Variants in FBN1 observed in about 807,000 individuals in gnomAD.
FBN1 encodes the protein fibrillin 1.
FBN1 carries 29 observed loss-of-function variants against 365.1 expected under a neutral mutation model. The ratio of observed to expected loss-of-function variants is 0.08; its 90% CI spans 0.06 to 0.11. FBN1 has a LOEUF of 0.11. FBN1 is among the 10% of genes least tolerant of loss of function. The probability of loss-of-function intolerance (pLI) is 1.00; values close to 1 mark genes in which losing one functional copy is unlikely to be tolerated. For missense variants in FBN1, 2,476 were observed against 3,703.2 expected (o/e 0.67, Z 8.60); for synonymous variants, 1,210 against 1,270.5 (o/e 0.95, Z 1.01).
At chr15:48,595,610 T>C (rs903915915) in intron 6 of FBN1, among the ~76,000 whole-genome samples, 4 of 152,208 alleles carry the variant, frequency 2.6e-5, no homozygotes, top group Admixed American at 2.6e-4. Flanking sequence ...GCAGTAAACA[T>C]TAGACTTGAA....
chr15:48,422,098 G>T, intron 60 of FBN1, 30 bp from the exon 61 acceptor site: 1 of 1,488,190 alleles, frequency 6.7e-7, no homozygotes, highest in Non-Finnish European at 9.4e-7. Context: ...AGGCATTTGA[G>T]TCAAGCCAAC....
chr15:48,430,193 C>T (rs1388650309), intron 56 of FBN1, among the ~76,000 whole-genome samples: 1 of 152,204 alleles, frequency 6.6e-6, no homozygotes, highest in Admixed American at 6.5e-5. Flanking sequence ...CTATTAGAAT[C>T]AGCTGAGGAG....
At chr15:48,635,867 A>G (rs1890082464) in intron 2 of FBN1, among the ~76,000 whole-genome samples, 1 of 152,266 alleles carries the variant, frequency 6.6e-6, no homozygotes, top group Non-Finnish European at 1.5e-5. Context: ...CTAACAGAAC[A>G]TGCAAACACA....
chr15:48,600,324 G>A, intron 4 of FBN1, 90 bp from the exon 5 acceptor site: 1 of 915,820 alleles, frequency 1.1e-6, no homozygotes, highest in Non-Finnish European at 1.8e-6. Context: ...TATTTGAAGA[G>A]AAAATCAAAT....
At chr15:48,559,819 A>G (rs1255170893) in intron 6 of FBN1, among the ~76,000 whole-genome samples, 1 of 152,216 alleles carries the variant, frequency 6.6e-6, no homozygotes, top group Non-Finnish European at 1.5e-5. Context: ...AATATATTGA[A>G]GTGAAAGACG....
intron 6 of FBN1, among the ~76,000 whole-genome samples, chr15:48,583,911 T>A (rs781494154): frequency 6.6e-6 from 1 of 152,178 alleles, no homozygotes; most frequent in Non-Finnish European, 1.5e-5. Context: ...CCTTTCTATA[T>A]CCAGCTCAAG....
In FBN1 at chr15:48,588,876, A is replaced by G. The variant is rs535798493; in HGVS notation, c.538+7407T>C. Among the ~76,000 whole-genome samples the G allele has an allele frequency of 5.9e-5, 9 of 152,340 alleles. No individual in the cohort carries two copies. In the South Asian group the frequency reaches 1.5e-3, roughly 25 times the overall value. ...TCAGGGAGACTCCTCAGATTGCATG[A>G]TACCTATCCCCAGAAGTCTGGAGGA... On this transcript the variant is annotated intron_variant, in intron 6 of 65. Transcript: ENST00000316623.
chr15:48,537,494 G>T, intron 7 of FBN1, 117 bp downstream of exon 7: 3 of 1,287,976 alleles, frequency 2.3e-6, no homozygotes, highest in Non-Finnish European at 2.2e-6. Context: ...TGCAGTCAGC[G>T]AAATTGTGAA....
At chr15:48,635,210 T>G (rs1283903662) in intron 2 of FBN1, among the ~76,000 whole-genome samples, 1 of 152,168 alleles carries the variant, frequency 6.6e-6, no homozygotes, top group Non-Finnish European at 1.5e-5. Context: ...GGAATACATC[T>G]CCGGCTGGGA....
At chr15:48,513,736 GT>G (rs2043779798) in intron 12 of FBN1, 68 bp from the exon 13 acceptor site, 3 of 1,582,500 alleles carry the variant, frequency 1.9e-6, no homozygotes, top group Non-Finnish European at 2.6e-6. Flanking sequence ...GACTTTCTGG[GT>G]TCCTTTTATA....
chr15:48,604,597 A>G (rs1261613178), intron 4 of FBN1, among the ~76,000 whole-genome samples: 1 of 152,206 alleles, frequency 6.6e-6, no homozygotes, highest in Non-Finnish European at 1.5e-5. Flanking sequence ...GTAGAGAAGG[A>G]CAAGTTAAAT....
intron 6 of FBN1, among the ~76,000 whole-genome samples, chr15:48,550,679 G>A (rs2044134143): frequency 6.6e-6 from 1 of 151,952 alleles, no homozygotes; most frequent in African/African-American, 2.4e-5. Context: ...CTCAACTCAC[G>A]GTGCTGTTTC....
intron 2 of FBN1, among the ~76,000 whole-genome samples, chr15:48,625,442 C>T (rs1228704069): frequency 6.6e-6 from 1 of 152,246 alleles, no homozygotes; most frequent in Non-Finnish European, 1.5e-5. Context: ...ACCTTAAACT[C>T]AGGCAACTCC....
At chr15:48,448,180 A>C (rs990622197) in intron 46 of FBN1, among the ~76,000 whole-genome samples, 5 of 152,286 alleles carry the variant, frequency 3.3e-5, no homozygotes, top group African/African-American at 1.2e-4. Flanking sequence ...TATGTTCTTA[A>C]TGTCCCAAAA....
chr15:48,522,279 T>C (rs886340842), intron 9 of FBN1, among the ~76,000 whole-genome samples: 41 of 152,200 alleles, frequency 2.7e-4, no homozygotes, highest in African/African-American at 9.9e-4. Flanking sequence ...TATTAATTAA[T>C]TTAATACACT....
intron 4 of FBN1, among the ~76,000 whole-genome samples, chr15:48,609,638 T>C (rs560409954): frequency 6.6e-6 from 1 of 152,328 alleles, no homozygotes; most frequent in South Asian, 2.1e-4. Flanking sequence ...TCTCCATCTG[T>C]TGTTGGTTAA....
rs1432052846 is a variant in FBN1, at chr15:48,437,305, C to T, written c.6379+17G>A. 1.3e-5 allele frequency: 21 copies of T among 1,606,540 alleles called. No individual in the cohort carries two copies. The highest frequency in any genetic ancestry group is 1.6e-5 in the Non-Finnish European group (19 of 1,173,760). On this transcript the variant is annotated intron_variant, in intron 52 of 65. Transcript: ENST00000316623. The stretch of plus-strand genomic sequence containing the variant: ...AGAATACTGAGAAATGCTGAGAATC[C>T]AGCACAGGCAACTGACCAACTGCTG...
At position 48,492,595 on chromosome 15, in the gene FBN1, A is replaced by G; in HGVS notation, c.2729-9T>C. ...TTCACATTCATCTATATCTAAAAAG[A>G]AAAAAAAAGTATAAAGTTAATATAT... is the stretch of plus-strand genomic sequence containing the variant. On this transcript the variant is annotated splice_polypyrimidine_tract_variant and intron_variant, in intron 23 of 65. Coordinates refer to ENST00000316623, the MANE Select transcript of FBN1 (RefSeq NM_000138.5). 1 of 1,543,344 alleles carries G rather than the reference A, an allele frequency of 6.5e-7. No homozygotes were observed. Among genetic ancestry groups the G allele is most frequent in the Non-Finnish European group, 8.9e-7 (1 of 1,119,974 alleles).
At chr15:48,547,561 C>T (rs952091782) in intron 6 of FBN1, among the ~76,000 whole-genome samples, 3 of 152,162 alleles carry the variant, frequency 2.0e-5, no homozygotes, top group Non-Finnish European at 2.9e-5. Flanking sequence ...GAAATGCCTT[C>T]TATAAATATG....
Sources: gnomAD v4.1 joint callset for allele counts (sites outside exome capture counted in the v4.1 genomes callset) on GRCh38, gnomAD v4.1.1 for gene constraint, MANE v1.5 for transcripts, NCBI Gene and HGNC (gene_info 2026-07-23, HGNC 2026-07-21) for gene names.